The following TNFSF13B variants were observed in gnomAD, a reference collection of about 807,000 sequenced individuals.
The protein encoded by TNFSF13B is tumor necrosis factor ligand superfamily member 13B.
In TNFSF13B, 8 loss-of-function variants were observed where a neutral mutation model predicts 29.1. The observed-to-expected ratio is 0.27, with a 90% CI of 0.16 to 0.50. The LOEUF (loss-of-function observed/expected upper bound fraction) is 0.50. Ranked by LOEUF, TNFSF13B falls within the 20% of genes least tolerant of loss-of-function variation. The pLI, the probability that TNFSF13B is intolerant of heterozygous loss-of-function variation, is 0.98. For missense variants in TNFSF13B, 248 were observed against 334.9 expected (o/e 0.74, Z 2.03); for synonymous variants, 125 against 130.8 (o/e 0.96, Z 0.30).
At chr13:108,277,326 C>T (rs549329910) in intron 2 of TNFSF13B, among the ~76,000 whole-genome samples, 3 of 152,296 alleles carry the variant, frequency 2.0e-5, no homozygotes, top group African/African-American at 4.8e-5. Flanking sequence ...AAGTTATTTA[C>T]AATTCATAAA....
In TNFSF13B at chr13:108,286,812, A is replaced by G; in HGVS notation, c.434A>G (p.Asp145Gly). The G allele has an allele frequency of 6.4e-7, 1 of 1,571,372 alleles. No individual in the cohort carries two copies. The highest frequency in any genetic ancestry group is 1.2e-5 in the South Asian group (1 of 86,888). Reference sequence around the variant, plus strand: ...AATTTTTGCTTTTTAGTCACTCAAGACTGCTTGCAACTGATTGCAGACAGT... The same window carrying G: ...AATTTTTGCTTTTTAGTCACTCAAGGCTGCTTGCAACTGATTGCAGACAGT... ...VQGPEETVTQ[D>G]CLQLIADSET... is the part of the protein sequence containing the mutation. The change falls in exon 3 of 6, where the codon GAC becomes GGC. Residue 145 changes from aspartate to glycine, a missense_variant. Coordinates refer to ENST00000375887, the MANE Select transcript of TNFSF13B (RefSeq NM_006573.5).
intron 2 of TNFSF13B, among the ~76,000 whole-genome samples, chr13:108,279,581 C>T (rs1039706702): frequency 1.3e-5 from 2 of 152,020 alleles, no homozygotes; most frequent in African/African-American, 2.4e-5. Context: ...GTTGGCTGGG[C>T]CGGGGCATGG....
At chr13:108,300,987 C>G (rs954355150) in intron 3 of TNFSF13B, among the ~76,000 whole-genome samples, 1 of 152,168 alleles carries the variant, frequency 6.6e-6, no homozygotes, top group Non-Finnish European at 1.5e-5. Context: ...TTTATTTCAA[C>G]TTGAATTTAC....
At chr13:108,287,379 A>G (rs1881175139) in intron 3 of TNFSF13B, among the ~76,000 whole-genome samples, 2 of 152,332 alleles carry the variant, frequency 1.3e-5, no homozygotes, top group South Asian at 4.1e-4. Flanking sequence ...TGTAAAATCA[A>G]TCAGCCATCT....
chr13:108,282,687 A>G (rs568086504), intron 2 of TNFSF13B, among the ~76,000 whole-genome samples: 1 of 152,292 alleles, frequency 6.6e-6, no homozygotes, highest in African/African-American at 2.4e-5. Flanking sequence ...GAAGTTTATT[A>G]TGATGAGTAA....
chr13:108,285,814 A>T (rs1444584368), intron 2 of TNFSF13B, among the ~76,000 whole-genome samples: 1 of 152,206 alleles, frequency 6.6e-6, no homozygotes, highest in Non-Finnish European at 1.5e-5. Flanking sequence ...TTGGTAGATA[A>T]AAAACTACAC....
chr13:108,291,842 T>C (rs976696996), intron 3 of TNFSF13B, among the ~76,000 whole-genome samples: 1 of 152,216 alleles, frequency 6.6e-6, no homozygotes, highest in East Asian at 1.9e-4. Flanking sequence ...TTGTTTTTCA[T>C]GTTAACAAAA....
chr13:108,301,043 A>G (rs1881608609), intron 3 of TNFSF13B, among the ~76,000 whole-genome samples: 2 of 152,226 alleles, frequency 1.3e-5, no homozygotes, highest in South Asian at 4.1e-4. Flanking sequence ...CTCCTTAGAA[A>G]CAATCAGAAA....
chr13:108,290,906 A>G (rs955025221), intron 3 of TNFSF13B, among the ~76,000 whole-genome samples: 4 of 151,752 alleles, frequency 2.6e-5, no homozygotes, highest in African/African-American at 7.3e-5. Context: ...TACTTTATCT[A>G]TTTGCAATTT....
intron 2 of TNFSF13B, among the ~76,000 whole-genome samples, chr13:108,284,323 CG>C (rs973677248): frequency 1.2e-4 from 18 of 151,138 alleles, no homozygotes; most frequent in African/African-American, 4.1e-4. Flanking sequence ...AGCGAGACTC[CG>C]TCTCAAAAAA....
rs1478252717 is a variant in TNFSF13B, at chr13:108,303,622, C to T, written c.745+18C>T. 6.2e-7 allele frequency: 1 copy of T among 1,601,572 alleles called. No homozygotes were observed. Among genetic ancestry groups the T allele is most frequent in the East Asian group, 2.2e-5 (1 of 44,728 alleles). ...TTCAGCTGGTAAATATTAGTTCTCA[C>T]ACCCTGCTAATTGTGAAATGAAGAG... On this transcript the variant is annotated intron_variant, in intron 5 of 5. Transcript: ENST00000375887.
chr13:108,281,913 A>G (rs774716689), intron 2 of TNFSF13B, among the ~76,000 whole-genome samples: 9 of 152,044 alleles, frequency 5.9e-5, no homozygotes, highest in Admixed American at 3.3e-4. Flanking sequence ...GAGATCTTTA[A>G]GTGTTTTTTT....
At position 108,269,876 on chromosome 13, in the gene TNFSF13B, T is replaced by C; in HGVS notation, c.-20T>C. 1 of 1,576,034 alleles carries C rather than the reference T, an allele frequency of 6.3e-7. No homozygotes were observed. The highest frequency in any genetic ancestry group is 8.6e-7 in the Non-Finnish European group (1 of 1,163,068). On this transcript the variant is annotated 5_prime_UTR_variant, in exon 1 of 6. Transcript: ENST00000375887. ...GTCACTTATTCTAAAGGCCCCAACC[T>C]TCAAAGTTCAAGTAGTGATATGGAT...
At chr13:108,279,894 T>A (rs1391420237) in intron 2 of TNFSF13B, among the ~76,000 whole-genome samples, 1 of 152,082 alleles carries the variant, frequency 6.6e-6, no homozygotes, top group Non-Finnish European at 1.5e-5. Context: ...TGCTCCTCTT[T>A]TTTTCTGATT....
chr13:108,307,000 ATC>A lies in TNFSF13B; in HGVS notation c.*64_*65del. ...TTCTCTGTACCTCTAAGAAGAAAGA[ATC>A]TAACTGAAAATACCAAAAAAAAAAA... On this transcript the variant is annotated 3_prime_UTR_variant, in exon 6 of 6. Coordinates refer to ENST00000375887, the MANE Select transcript of TNFSF13B (RefSeq NM_006573.5). The A allele has an allele frequency of 1.4e-6, 1 of 733,124 alleles. No homozygotes were observed. Among genetic ancestry groups the A allele is most frequent in the South Asian group, 1.9e-5 (1 of 52,298 alleles). The allele number at this position is 733,124 out of a possible 1,614,324, so 45.4% of individuals were successfully genotyped here.
Position 108,270,070 on chromosome 13 carries a change from T to G in TNFSF13B, c.175T>G (p.Cys59Gly). ...AATLLLALLS[C>G]CLTVVSFYQV... ...AACCTTGCTGCTGGCACTGCTGTCTTGCTGCCTCACGGTGGTGTCTTTCTA... is the reference window on the plus strand; with the variant it reads ...AACCTTGCTGCTGGCACTGCTGTCTGGCTGCCTCACGGTGGTGTCTTTCTA... The change falls in exon 1 of 6, where the codon TGC becomes GGC. Residue 59 changes from cysteine (C) to glycine (G), a missense_variant. By Grantham distance (159) the Cys-to-Gly change is radical. Coordinates refer to ENST00000375887, the MANE Select transcript of TNFSF13B (RefSeq NM_006573.5). The G allele has an allele frequency of 6.2e-7, 1 of 1,608,002 alleles. No homozygotes were observed. Among genetic ancestry groups the G allele is most frequent in the Non-Finnish European group, 8.5e-7 (1 of 1,179,970 alleles).
intron 2 of TNFSF13B, among the ~76,000 whole-genome samples, chr13:108,275,965 G>A (rs993766421): frequency 3.3e-5 from 5 of 151,990 alleles, no homozygotes; most frequent in Admixed American, 6.6e-5. Context: ...GTTTTCTATC[G>A]GATAAACCTT....
At chr13:108,284,599 G>A (rs1405722525) in intron 2 of TNFSF13B, among the ~76,000 whole-genome samples, 2 of 152,126 alleles carry the variant, frequency 1.3e-5, no homozygotes, top group African/African-American at 2.4e-5. Flanking sequence ...ACTGAGTATA[G>A]CGCAAAGTGC....
chr13:108,298,761 C>G (rs915963734), intron 3 of TNFSF13B, among the ~76,000 whole-genome samples: 1 of 145,140 alleles, frequency 6.9e-6, no homozygotes, highest in East Asian at 1.9e-4. Flanking sequence ...ATCACAAGGT[C>G]GGGAGTTTGA....
Sources: gnomAD v4.1 joint callset for allele counts (sites outside exome capture counted in the v4.1 genomes callset) on GRCh38, gnomAD v4.1.1 for gene constraint, MANE v1.5 for transcripts, NCBI Gene and HGNC (gene_info 2026-07-23, HGNC 2026-07-21) for gene names.